RASEF: variants seen among roughly 807,000 people sequenced by gnomAD.
RASEF encodes the protein RAS and EF-hand domain containing.
In RASEF, 68 loss-of-function variants were observed where a neutral mutation model predicts 90.1. The ratio of observed to expected loss-of-function variants is 0.75; its 90% CI spans 0.62 to 0.92. The LOEUF (loss-of-function observed/expected upper bound fraction) is 0.92. Among genes scored for constraint, RASEF ranks in the 40% least tolerant of loss-of-function variants. The pLI is 0.00. For synonymous variants in RASEF, 331 were observed against 345.2 expected, an observed-to-expected ratio of 0.96 and a Z score of 0.46; for missense variants, 949 against 937.2, an observed-to-expected ratio of 1.01 and a Z score of -0.16.
At chr9:83,016,033 G>C in intron 3 of RASEF, 133 bp from the exon 4 acceptor site, 1 of 654,850 alleles carries the variant, frequency 1.5e-6, no homozygotes. Context: ...GGTGAGAAAG[G>C]ATATCAGAAG....
At position 83,059,163 on chromosome 9, in the gene RASEF, A is replaced by T. The variant is rs549950912; in HGVS notation, c.431+3274T>A. 3.9e-5 allele frequency among the ~76,000 whole-genome samples: 6 copies of T among 152,164 alleles called. No homozygotes were observed. The South Asian group carries it at 1.2e-3, about 32-fold the overall frequency. The stretch of plus-strand genomic sequence containing the variant: ...GAATCAATTCACAGATAACACTCAA[A>T]ATTGCTGCAAATGGGAGTTGAGAAA... On this transcript the variant is annotated intron_variant, in intron 1 of 16. Transcript: ENST00000376447.
the RASEF span, among the ~76,000 whole-genome samples, chr9:83,089,921 GATA>G: frequency 6.6e-6 from 1 of 151,696 alleles, no homozygotes; most frequent in East Asian, 1.9e-4. Context: ...TAGATAGATA[GATA>G]GATAGATAGA....
intron 3 of RASEF, among the ~76,000 whole-genome samples, chr9:83,017,822 C>T (rs1333596032): frequency 2.0e-5 from 3 of 152,180 alleles, no homozygotes; most frequent in African/African-American, 7.2e-5. Flanking sequence ...CTGAATTCAA[C>T]AATCTATAGA....
chr9:83,056,094 G>A (rs1233304647), intron 1 of RASEF, among the ~76,000 whole-genome samples: 1 of 152,190 alleles, frequency 6.6e-6, no homozygotes, highest in Non-Finnish European at 1.5e-5. Flanking sequence ...TACTGGAGCT[G>A]TATATCCTGT....
the RASEF span, among the ~76,000 whole-genome samples, chr9:83,148,725 G>A: frequency 1.9e-4 from 29 of 152,134 alleles, no homozygotes; most frequent in African/African-American, 2.9e-4. Flanking sequence ...TTTTTATATC[G>A]TGTTAATTTT....
At chr9:83,155,894 G>A in the RASEF span, among the ~76,000 whole-genome samples, 4 of 152,142 alleles carry the variant, frequency 2.6e-5, no homozygotes, top group Non-Finnish European at 5.9e-5. Flanking sequence ...GAAATTCCAG[G>A]ACAGCAGTTT....
At chr9:83,143,705 A>C in the RASEF span, among the ~76,000 whole-genome samples, 7 of 152,328 alleles carry the variant, frequency 4.6e-5, no homozygotes, top group South Asian at 2.1e-4. Context: ...GACACTGTTG[A>C]TAAGAATGTA....
the RASEF span, among the ~76,000 whole-genome samples, chr9:83,149,435 G>T: frequency 6.6e-6 from 1 of 152,198 alleles, no homozygotes; most frequent in Non-Finnish European, 1.5e-5. Flanking sequence ...TAGGAAGGAG[G>T]TTGGATATTA....
In RASEF at chr9:83,062,563, C is replaced by A; in HGVS notation, c.305G>T (p.Ser102Ile). The change falls in exon 1 of 17, where the codon AGC becomes ATC. Residue 102 changes from serine to isoleucine, a missense_variant. Physicochemically the swap from Ser to Ile is moderately radical, Grantham distance 142 (BLOSUM62 -2). This residue lies in a region of RASEF where 656 missense variants were observed against 592.2 expected (regional missense o/e 1.11). Transcript: ENST00000376447. ...VSEAGPETHD[S>I]EEDEGDEDAA... is the part of the protein sequence containing the mutation. ...GTCCTCGTCGCCTTCGTCCTCCTCG[C>A]TGTCGTGTGTCTCCGGCCCCGCCTC... 1 of 1,596,274 alleles carries A rather than the reference C, an allele frequency of 6.3e-7. No homozygotes were observed. Among genetic ancestry groups the A allele is most frequent in the Non-Finnish European group, 8.5e-7 (1 of 1,171,344 alleles).
upstream of RASEF, among the ~76,000 whole-genome samples, chr9:83,068,054 A>AT (rs1412178185): frequency 6.6e-6 from 1 of 151,868 alleles, no homozygotes; most frequent in African/African-American, 2.4e-5. Context: ...TTTTTTTTGT[A>AT]TTTTTTGTAG....
At chr9:83,190,349 T>C in the RASEF span, among the ~76,000 whole-genome samples, 27 of 152,194 alleles carry the variant, frequency 1.8e-4, no homozygotes, top group African/African-American at 6.3e-4. Flanking sequence ...TTTTAAAATA[T>C]ATTTGTAAAT....
At chr9:83,193,994 C>G in the RASEF span, among the ~76,000 whole-genome samples, 1 of 152,276 alleles carries the variant, frequency 6.6e-6, no homozygotes, top group East Asian at 1.9e-4. Context: ...CTTTTTCTTA[C>G]AGAATAATTT....
At chr9:83,188,367 T>C in the RASEF span, among the ~76,000 whole-genome samples, 1 of 152,180 alleles carries the variant, frequency 6.6e-6, no homozygotes, top group Non-Finnish European at 1.5e-5. Context: ...TTCCCAGTAA[T>C]AGTTCATTCA....
At chr9:83,101,165 T>C in the RASEF span, among the ~76,000 whole-genome samples, 1 of 152,224 alleles carries the variant, frequency 6.6e-6, no homozygotes, top group African/African-American at 2.4e-5. Context: ...ACTAGCCTTA[T>C]ATTCTGGCAA....
the RASEF span, among the ~76,000 whole-genome samples, chr9:83,076,430 AG>A: frequency 8.6e-4 from 29 of 33,630 alleles, no homozygotes; most frequent in East Asian, 6.1e-3. Context: ...GGTCTAGTTA[AG>A]AAAAAAAAAA....
chr9:83,048,325 C>T (rs954038852), intron 1 of RASEF: 5 of 985,182 alleles, frequency 5.1e-6, no homozygotes, highest in Non-Finnish European at 6.0e-6. Flanking sequence ...GGTGGAAACT[C>T]CCTGAGTGTA....
chr9:83,157,301 A>G, the RASEF span, among the ~76,000 whole-genome samples: 5 of 152,240 alleles, frequency 3.3e-5, no homozygotes, highest in Non-Finnish European at 7.3e-5. Flanking sequence ...TATGGTTTGA[A>G]TGTGTCCCCT....
the RASEF span, among the ~76,000 whole-genome samples, chr9:83,159,977 T>C: frequency 6.6e-6 from 1 of 152,210 alleles, no homozygotes; most frequent in African/African-American, 2.4e-5. Flanking sequence ...TGCTGCCAAG[T>C]GAGATGTGCC....
At chr9:83,167,935 CT>C in the RASEF span, among the ~76,000 whole-genome samples, 2 of 152,120 alleles carry the variant, frequency 1.3e-5, no homozygotes, top group Admixed American at 1.3e-4. Context: ...ATCACTTCTA[CT>C]TTTTGGCTAA....
Sources: gnomAD v4.1 joint callset for allele counts (sites outside exome capture counted in the v4.1 genomes callset) on GRCh38, gnomAD v4.1.1 for gene constraint, gnomAD v4.1.1 regional missense constraint, MANE v1.5 for transcripts, NCBI Gene and HGNC (gene_info 2026-07-23, HGNC 2026-07-21) for gene names.